The following PLBD2 variants were observed in gnomAD, a reference collection of about 807,000 sequenced individuals.
PLBD2 encodes putative aminopeptidase PLBD2.
A neutral mutation model predicts 68.3 loss-of-function variants in PLBD2; 51 were observed. That is an observed-to-expected ratio of 0.75 (90% CI 0.60 to 0.94). The LOEUF is 0.94. Among genes scored for constraint, PLBD2 ranks in the 40% least tolerant of loss-of-function variants. PLBD2 has a pLI of 0.00. For missense variants in PLBD2, 729 were observed against 792.2 expected (o/e 0.92, Z 0.96); for synonymous variants, 314 against 339.3 (o/e 0.93, Z 0.82).
Position 113,358,720 on chromosome 12 carries a change from G to A in PLBD2, c.120G>A (p.Gly40=). The change falls in exon 1 of 12, where the codon GGG becomes GGA. Residue 40 remains glycine (G), a synonymous_variant. Coordinates refer to ENST00000280800, the MANE Select transcript of PLBD2 (RefSeq NM_173542.4). ...LVGPFLSGLA[G]AIPAPGGRWA... ...GGCCGTTCCTGAGCGGCCTGGCGGGGGCGATCCCAGCGCCGGGGGGCCGCT... is the reference window on the plus strand; with the variant it reads ...GGCCGTTCCTGAGCGGCCTGGCGGGAGCGATCCCAGCGCCGGGGGGCCGCT... 7.2e-7 allele frequency: 1 copy of A among 1,393,672 alleles called. No homozygotes were observed. The highest frequency in any genetic ancestry group is 9.3e-7 in the Non-Finnish European group (1 of 1,080,708). 86.3% of individuals were successfully genotyped at this position (1,393,672 alleles called of 1,614,324 possible).
intron 2 of PLBD2, among the ~76,000 whole-genome samples, chr12:113,370,458 T>A (rs1957379386): frequency 6.6e-6 from 1 of 151,088 alleles, no homozygotes; most frequent in African/African-American, 2.4e-5. Context: ...CTAGTGTAAT[T>A]TTCTTTTTCT....
intron 1 of PLBD2, among the ~76,000 whole-genome samples, chr12:113,367,975 C>T (rs911755812): frequency 1.3e-5 from 2 of 151,592 alleles, no homozygotes; most frequent in African/African-American, 2.4e-5. Flanking sequence ...CCAGCTACCC[C>T]GGAGGCTGAG....
chr12:113,363,200 C>T (rs1449927013), intron 1 of PLBD2, among the ~76,000 whole-genome samples: 2 of 151,982 alleles, frequency 1.3e-5, no homozygotes, highest in Non-Finnish European at 2.9e-5. Context: ...TTTGGGAGGC[C>T]GAGGCAGGAG....
Position 113,391,205 on chromosome 12 carries a change from C to T in PLBD2, c.*2579C>T, listed in dbSNP as rs142604881. Reference sequence around the variant, plus strand: ...TGCAGCCTGCCTTGGAGACAAGACTCTCCCAGTGCTGTGTGCTTGGAGAGA... The same window carrying T: ...TGCAGCCTGCCTTGGAGACAAGACTTTCCCAGTGCTGTGTGCTTGGAGAGA... On this transcript the variant is annotated 3_prime_UTR_variant, in exon 12 of 12. Transcript: ENST00000280800. 65 of 152,278 alleles carry T rather than the reference C, an allele frequency of 4.3e-4. No individual in the cohort carries two copies. Among genetic ancestry groups the T allele is most frequent in the African/African-American group, 1.5e-3 (61 of 41,546 alleles). The allele number at this position is 152,278 out of a possible 1,614,324, so 9.4% of individuals were successfully genotyped here. A position where few individuals can be genotyped will look rare whatever the true frequency, so the allele number is the denominator to read the frequency against.
intron 5 of PLBD2, among the ~76,000 whole-genome samples, chr12:113,379,753 A>C (rs1957468726): frequency 6.6e-6 from 1 of 152,058 alleles, no homozygotes; most frequent in African/African-American, 2.4e-5. Flanking sequence ...TGGAGGTTGC[A>C]GTGAGCTGAG....
At chr12:113,370,242 A>G (rs1957376904) in intron 2 of PLBD2, among the ~76,000 whole-genome samples, 2 of 152,034 alleles carry the variant, frequency 1.3e-5, no homozygotes, top group African/African-American at 4.8e-5. Context: ...TATGCTGACT[A>G]TATCTCAATA....
At chr12:113,358,919 C>T in intron 1 of PLBD2, 29 bp downstream of exon 1, 1 of 1,490,480 alleles carries the variant, frequency 6.7e-7, no homozygotes, top group Admixed American at 2.5e-5. Context: ...CCACGCGGGG[C>T]CATCGGGGGA....
chr12:113,385,439 T>C (rs1480767010), intron 9 of PLBD2, among the ~76,000 whole-genome samples, 156 bp downstream of exon 9: 2 of 152,182 alleles, frequency 1.3e-5, no homozygotes, highest in Non-Finnish European at 2.9e-5. Context: ...TTTGGCAGTG[T>C]AGTTGCATGG....
chr12:113,382,055 T>C (rs1834498398), intron 6 of PLBD2, among the ~76,000 whole-genome samples: 1 of 152,168 alleles, frequency 6.6e-6, no homozygotes, highest in African/African-American at 2.4e-5. Context: ...ACTCCTGGGT[T>C]GAAGGGATCC....
chr12:113,375,369 C>T (rs1450672845), intron 5 of PLBD2, among the ~76,000 whole-genome samples: 3 of 152,076 alleles, frequency 2.0e-5, no homozygotes, highest in Admixed American at 6.5e-5. Context: ...CCAGGCTTGT[C>T]TCAAACTCCT....
At chr12:113,378,683 CTT>C (rs767651572) in intron 5 of PLBD2, among the ~76,000 whole-genome samples, 11 of 140,750 alleles carry the variant, frequency 7.8e-5, no homozygotes, top group East Asian at 6.2e-4. Flanking sequence ...TTTTCCTTTC[CTT>C]TTTTTTTTTT....
intron 1 of PLBD2, among the ~76,000 whole-genome samples, chr12:113,361,643 G>A (rs1023267460): frequency 6.6e-6 from 1 of 151,904 alleles, no homozygotes; most frequent in South Asian, 2.1e-4. Context: ...CACTGTGCTC[G>A]GTACCTTCTT....
intron 5 of PLBD2, among the ~76,000 whole-genome samples, chr12:113,379,201 G>A (rs1050454171): frequency 5.9e-5 from 9 of 151,664 alleles, no homozygotes; most frequent in African/African-American, 1.9e-4. Context: ...GCAGTTACTC[G>A]GGAGGCTGAG....
At chr12:113,361,341 GTT>G (rs1371619529) in intron 1 of PLBD2, among the ~76,000 whole-genome samples, 5 of 110,846 alleles carry the variant, frequency 4.5e-5, no homozygotes, top group African/African-American at 6.7e-5. Flanking sequence ...TTTTTTTTTT[GTT>G]TTTTTTTTTT....
Position 113,387,917 on chromosome 12 carries a change from C to T in PLBD2, c.1602+11C>T, listed in dbSNP as rs942542836. 3.1e-6 allele frequency: 5 copies of T among 1,613,786 alleles called. No homozygotes were observed. Among genetic ancestry groups the T allele is most frequent in the South Asian group, 1.1e-5 (1 of 91,084 alleles). Reference sequence around the variant, plus strand: ...GGTATCGATGTGAAGGTGCTGCCTCCTCCCTAGGGCCTGAGCTGTGGGTGG... The same window carrying T: ...GGTATCGATGTGAAGGTGCTGCCTCTTCCCTAGGGCCTGAGCTGTGGGTGG... On this transcript the variant is annotated intron_variant, in intron 11 of 11. Coordinates refer to ENST00000280800, the MANE Select transcript of PLBD2 (RefSeq NM_173542.4).
At chr12:113,379,172 G>A (rs1957461077) in intron 5 of PLBD2, among the ~76,000 whole-genome samples, 1 of 152,042 alleles carries the variant, frequency 6.6e-6, no homozygotes, top group Non-Finnish European at 1.5e-5. Flanking sequence ...GCTAGACATG[G>A]TGGTAAATGC....
chr12:113,375,182 G>C (rs1169810271), intron 5 of PLBD2, 175 bp downstream of exon 5: 1 of 638,586 alleles, frequency 1.6e-6, no homozygotes, highest in African/African-American at 1.8e-5. Flanking sequence ...GTCTTGCTCT[G>C]TTGCCCAGGC....
intron 9 of PLBD2, among the ~76,000 whole-genome samples, chr12:113,386,459 T>G (rs1224087349): frequency 1.4e-5 from 2 of 145,022 alleles, no homozygotes; most frequent in Admixed American, 6.8e-5. Context: ...GTTCAAGTGA[T>G]TCTTGTGCCT....
In PLBD2 at chr12:113,387,835, C is replaced by G; in HGVS notation, c.1531C>G (p.Leu511Val). The G allele has an allele frequency of 6.2e-7, 1 of 1,614,244 alleles. No individual in the cohort carries two copies. Among genetic ancestry groups the G allele is most frequent in the South Asian group, 1.1e-5 (1 of 91,088 alleles). Residue 511 changes from leucine to valine, a missense_variant, in exon 11 of 12, where the codon CTC becomes GTC. Leu to Val is a conservative substitution (Grantham distance 32, BLOSUM62 1). Transcript: ENST00000280800. ...GENAISARSD[L>V]NPANGSYPFQ... ...GAATGCTATCTCCGCCCGCTCCGAC[C>G]TCAACCCGGCCAATGGCTCCTACCC...
Sources: gnomAD v4.1 joint callset for allele counts (sites outside exome capture counted in the v4.1 genomes callset) on GRCh38, gnomAD v4.1.1 for gene constraint, MANE v1.5 for transcripts, NCBI Gene and HGNC (gene_info 2026-07-23, HGNC 2026-07-21) for gene names.